The following OLFM4 variants were observed in gnomAD, a reference collection of about 807,000 sequenced individuals.
OLFM4 encodes olfactomedin-4.
Under a neutral mutation model 25.5 loss-of-function variants are expected in OLFM4, and 22 were observed. The observed-to-expected ratio is 0.86, with a 90% CI of 0.62 to 1.23. The LOEUF is 1.23. Among genes scored for constraint, OLFM4 ranks in the 50% most tolerant of loss-of-function variants. OLFM4 has a pLI of 0.00. For missense variants in OLFM4, 594 were observed against 619.4 expected (o/e 0.96, Z 0.44); for synonymous variants, 255 against 237.7 (o/e 1.07, Z -0.67).
At chr13:53,034,977 T>C (rs1477598210) in intron 2 of OLFM4, among the ~76,000 whole-genome samples, 1 of 152,158 alleles carries the variant, frequency 6.6e-6, no homozygotes, top group African/African-American at 2.4e-5. Flanking sequence ...TTATTTCTCT[T>C]GCCTCAATCC....
intron 2 of OLFM4, among the ~76,000 whole-genome samples, chr13:53,037,138 G>C (rs1453912555): frequency 1.3e-5 from 2 of 152,342 alleles, no homozygotes; most frequent in African/African-American, 4.8e-5. Context: ...CAGTAGAAAA[G>C]GTTTTTGACT....
chr13:53,034,878 T>C (rs1389537719), intron 2 of OLFM4, among the ~76,000 whole-genome samples: 1 of 152,182 alleles, frequency 6.6e-6, no homozygotes, highest in Non-Finnish European at 1.5e-5. Flanking sequence ...CTTTTCTTTC[T>C]TCTCCTCTAT....
intron 2 of OLFM4, among the ~76,000 whole-genome samples, chr13:53,034,706 A>G (rs1218822491): frequency 6.6e-6 from 1 of 152,188 alleles, no homozygotes; most frequent in Non-Finnish European, 1.5e-5. Flanking sequence ...AGTGGGGTTC[A>G]AATTGTTCAC....
At chr13:53,033,050 A>T (rs1954637479) in intron 1 of OLFM4, among the ~76,000 whole-genome samples, 1 of 152,160 alleles carries the variant, frequency 6.6e-6, no homozygotes, top group Non-Finnish European at 1.5e-5. Flanking sequence ...TTCAGATGAG[A>T]TCATTAAAAG....
Position 53,042,135 on chromosome 13 carries a change from C to T in OLFM4, c.570+13C>T. 1 of 1,608,536 alleles carries T rather than the reference C, an allele frequency of 6.2e-7. No individual in the cohort carries two copies. The highest frequency in any genetic ancestry group is 8.5e-7 in the Non-Finnish European group (1 of 1,175,358). On this transcript the variant is annotated intron_variant, in intron 3 of 4. Transcript: ENST00000219022. ...GCTGGAGGTGGAGGTAAGGAGTGAA[C>T]TCACTTCTTGGTAAATTAATAATAA...
At position 53,029,013 on chromosome 13, in the gene OLFM4, C is replaced by T; in HGVS notation, c.177C>T (p.Ser59=). ...GGTCGGGCTCCAGCTCCAGCCGCAG[C>T]TTAGGCAGCGGAGGTTCTGTGTCCC... ...SSRSGSSSSR[S]LGSGGSVSQL... The change falls in exon 1 of 5, where the codon AGC becomes AGT. Residue 59 remains serine (S), a synonymous_variant. Transcript: ENST00000219022. 2 of 1,614,174 alleles carry T rather than the reference C, an allele frequency of 1.2e-6. No individual in the cohort carries two copies. The highest frequency in any genetic ancestry group is 1.7e-6 in the Non-Finnish European group (2 of 1,180,040).
At chr13:53,043,604 C>G (rs915846774) in intron 4 of OLFM4, among the ~76,000 whole-genome samples, 1 of 152,144 alleles carries the variant, frequency 6.6e-6, no homozygotes, top group Non-Finnish European at 1.5e-5. Context: ...GGGAAAGCCT[C>G]TGGAATCTGT....
intron 1 of OLFM4, among the ~76,000 whole-genome samples, chr13:53,030,971 T>C (rs1954626055): frequency 6.6e-6 from 1 of 152,174 alleles, no homozygotes; most frequent in African/African-American, 2.4e-5. Context: ...ACAATAATAA[T>C]TTATTATGAA....
intron 4 of OLFM4, among the ~76,000 whole-genome samples, chr13:53,049,416 C>A (rs1954732572): frequency 6.6e-6 from 1 of 152,072 alleles, no homozygotes; most frequent in Non-Finnish European, 1.5e-5. Flanking sequence ...CGTGGATGTG[C>A]AATTGGGGGT....
rs771677975 is a variant in OLFM4 at position 53,028,995 on chromosome 13, C to T, written c.159C>T (p.Gly53=). The T allele has an allele frequency of 1.2e-6, 2 of 1,614,220 alleles. No individual in the cohort carries two copies. The highest frequency in any genetic ancestry group is 1.3e-5 in the African/African-American group (1 of 75,066). ...GCTTCAGCTCCAGCTCCAGGTCGGGCTCCAGCTCCAGCCGCAGCTTAGGCA... is the reference window on the plus strand; with the variant it reads ...GCTTCAGCTCCAGCTCCAGGTCGGGTTCCAGCTCCAGCCGCAGCTTAGGCA... ...SSSFSSSSRS[G]SSSSRSLGSG... The change falls in exon 1 of 5, where the codon GGC becomes GGT. Residue 53 remains glycine, a synonymous_variant. Coordinates refer to ENST00000219022, the MANE Select transcript of OLFM4 (RefSeq NM_006418.5).
At chr13:53,029,458 ACT>A (rs888669070) in intron 1 of OLFM4, among the ~76,000 whole-genome samples, 4 of 151,902 alleles carry the variant, frequency 2.6e-5, no homozygotes, top group Admixed American at 1.3e-4. Context: ...TTAGGGAAAG[ACT>A]CTGTGAGTTG....
At chr13:53,039,030 G>A (rs1954674147) in intron 2 of OLFM4, among the ~76,000 whole-genome samples, 1 of 152,132 alleles carries the variant, frequency 6.6e-6, no homozygotes, top group South Asian at 2.1e-4. Flanking sequence ...CACCAGGGCA[G>A]GCACACCACA....
At chr13:53,033,595 T>C (rs951004638) in intron 1 of OLFM4, among the ~76,000 whole-genome samples, 8 of 152,222 alleles carry the variant, frequency 5.3e-5, no homozygotes, top group African/African-American at 1.9e-4. Context: ...CATTACTTCG[T>C]TAATACTGAG....
At chr13:53,043,049 T>G in intron 3 of OLFM4, 56 bp from the exon 4 acceptor site, 1 of 1,399,820 alleles carries the variant, frequency 7.1e-7, no homozygotes, top group Non-Finnish European at 9.7e-7. Context: ...CCCTGGAATG[T>G]TTATGAAAGA....
intron 1 of OLFM4, among the ~76,000 whole-genome samples, chr13:53,030,642 G>A (rs1447959703): frequency 3.3e-5 from 5 of 152,072 alleles, no homozygotes; most frequent in Non-Finnish European, 7.3e-5. Context: ...TACAATTAAT[G>A]GTCCCATTTT....
chr13:53,042,445 G>T (rs1364165619), intron 3 of OLFM4, among the ~76,000 whole-genome samples: 1 of 152,182 alleles, frequency 6.6e-6, no homozygotes, highest in African/African-American at 2.4e-5. Flanking sequence ...GCTATATGAG[G>T]TGTCTTCTCT....
At chr13:53,031,386 A>C (rs1954628088) in intron 1 of OLFM4, among the ~76,000 whole-genome samples, 1 of 152,178 alleles carries the variant, frequency 6.6e-6, no homozygotes, top group Non-Finnish European at 1.5e-5. Context: ...TATACCTTGA[A>C]TCTTTGCTGA....
At chr13:53,049,681 A>G (rs1954733963) in intron 4 of OLFM4, among the ~76,000 whole-genome samples, 1 of 152,174 alleles carries the variant, frequency 6.6e-6, no homozygotes, top group Non-Finnish European at 1.5e-5. Flanking sequence ...GGGCCTCCAA[A>G]CTTTTTAAAT....
At position 53,028,894 on chromosome 13, in the gene OLFM4, G is replaced by A; in HGVS notation, c.58G>A (p.Gly20Arg). 6.2e-7 allele frequency: 1 copy of A among 1,614,226 alleles called. No individual in the cohort carries two copies. The highest frequency in any genetic ancestry group is 8.5e-7 in the Non-Finnish European group (1 of 1,180,048). The change falls in exon 1 of 5, where the codon GGG (glycine) becomes AGG (arginine). Residue 20 changes from glycine to arginine, a missense_variant. Coordinates refer to ENST00000219022, the MANE Select transcript of OLFM4 (RefSeq NM_006418.5). ...ALLFFLGQAAGDLGDVGPPIP... is the reference protein window; with the variant it reads ...ALLFFLGQAARDLGDVGPPIP... ...TCTGTTCTTCCTTGGCCAAGCTGCA[G>A]GGGATTTGGGGGATGTGGGACCTCC...
Sources: gnomAD v4.1 joint callset for allele counts (sites outside exome capture counted in the v4.1 genomes callset) on GRCh38, gnomAD v4.1.1 for gene constraint, MANE v1.5 for transcripts, NCBI Gene and HGNC (gene_info 2026-07-23, HGNC 2026-07-21) for gene names.